GOLGA3: variants seen among roughly 807,000 people sequenced by gnomAD.
The protein encoded by GOLGA3 is golgin subfamily A member 3.
GOLGA3 carries 75 observed loss-of-function variants against 169.4 expected under a neutral mutation model. The observed-to-expected ratio is 0.44, with a 90% CI of 0.37 to 0.54. The LOEUF is 0.54. Ranked by LOEUF, GOLGA3 falls within the 20% of genes least tolerant of loss-of-function variation. The probability of loss-of-function intolerance (pLI) is 0.00; values close to 1 mark genes in which losing one functional copy is unlikely to be tolerated. For synonymous variants in GOLGA3, 824 were observed against 822.4 expected, an observed-to-expected ratio of 1.00 and a Z score of -0.03; for missense variants, 1,899 against 1,930.0, an observed-to-expected ratio of 0.98 and a Z score of 0.30.
rs112005017 is a variant in GOLGA3, at chr12:132,781,161, C to T, written c.3466-247G>A. Among the ~76,000 whole-genome samples the T allele has an allele frequency of 2.9e-3, 448 of 152,286 alleles. 2 individuals carry two copies. Among genetic ancestry groups the T allele is most frequent in the African/African-American group, 0.01 (426 of 41,564 alleles). On this transcript the variant is annotated intron_variant, in intron 17 of 23. Coordinates refer to ENST00000450791, the MANE Select transcript of GOLGA3 (RefSeq NM_001389683.1). ...GCTCCAGAGGCCAGGGCAGGAGGAT[C>T]GCTGGAGCCCAGGAGGTTGAGGATG...
chr12:132,796,320 G>A (rs1948834979), intron 10 of GOLGA3, 100 bp from the exon 11 acceptor site: 1 of 1,396,114 alleles, frequency 7.2e-7, no homozygotes, highest in African/African-American at 1.4e-5. Flanking sequence ...TGGACACTAT[G>A]GAGGGTCTTT....
chr12:132,774,150 G>A lies in GOLGA3; in HGVS notation c.4307+7C>T, dbSNP rs1206350064. On this transcript the variant is annotated splice_region_variant and intron_variant, in intron 23 of 23. Transcript: ENST00000450791. ...TAGCTGAAGTGCAGCACGGAATACG[G>A]TCGTACTTGAGCTGCTGGAGGCAGC... 3 of 1,584,570 alleles carry A rather than the reference G, an allele frequency of 1.9e-6. No homozygotes were observed.
chr12:132,796,198 C>T lies in GOLGA3; in HGVS notation c.2123G>A (p.Arg708Gln), dbSNP rs776030995. Reference protein sequence around the residue: ...LEQVKLTLLQRDQQLEALQQE... With the variant: ...LEQVKLTLLQQDQQLEALQQE... ...CTGCAAAGCCTCAAGCTGCTGGTCT[C>T]GCTGGAGTAAAGTCAACTTCACCTG... The change falls in exon 11 of 24, where the codon CGA (arginine) becomes CAA (glutamine). Residue 708 changes from arginine to glutamine, a missense_variant. Arg to Gln is a conservative substitution (Grantham distance 43). Coordinates refer to ENST00000450791, the MANE Select transcript of GOLGA3 (RefSeq NM_001389683.1). The T allele has an allele frequency of 8.8e-6, 14 of 1,593,562 alleles. No homozygotes were observed. The highest frequency in any genetic ancestry group is 1.7e-5 in the Admixed American group (1 of 59,564).
chr12:132,786,636 C>CCG, intron 14 of GOLGA3, 57 bp downstream of exon 14: 5 of 1,062,570 alleles, frequency 4.7e-6, no homozygotes, highest in Non-Finnish European at 3.9e-6. Flanking sequence ...GCCTCCCCCC[C>CCG]GGCCCCCGCA....
intron 5 of GOLGA3, 75 bp from the exon 6 acceptor site, chr12:132,807,363 T>G: frequency 1.3e-6 from 1 of 744,014 alleles, no homozygotes; most frequent in Non-Finnish European, 2.2e-6. Flanking sequence ...ATTCTCCAAA[T>G]TCCACACACC....
chr12:132,780,367 G>A (rs761557451), intron 18 of GOLGA3, among the ~76,000 whole-genome samples: 5 of 152,212 alleles, frequency 3.3e-5, no homozygotes, highest in East Asian at 1.9e-4. Context: ...CTCTGCTGGC[G>A]ACGTGACCAA....
In GOLGA3 at chr12:132,819,484, G is replaced by A. The variant is rs183952533; in HGVS notation, c.133+2512C>T. Among the ~76,000 whole-genome samples, 58 of 152,260 alleles carry A rather than the reference G, an allele frequency of 3.8e-4. 1 individual carries two copies. Among genetic ancestry groups the A allele is most frequent in the Non-Finnish European group, 5.7e-4 (39 of 68,018 alleles). On this transcript the variant is annotated intron_variant, in intron 2 of 23. Transcript: ENST00000450791. The stretch of plus-strand genomic sequence containing the variant: ...GTGGAGCTTGCAGTAAGCTGAGGTC[G>A]TGCCACTGCACTCCAGTCTGGGCAA...
At chr12:132,797,644 A>G (rs990110117) in intron 9 of GOLGA3, among the ~76,000 whole-genome samples, 5 of 152,076 alleles carry the variant, frequency 3.3e-5, no homozygotes, top group Non-Finnish European at 5.9e-5. Context: ...CTTGGTAGGC[A>G]GAGGTTGCAG....
At position 132,776,962 on chromosome 12, in the gene GOLGA3, TG is replaced by T; in HGVS notation, c.3850del (p.Gln1284LysfsTer20). Reference protein sequence around the residue: ...EQLSKQPVGNQEMENLKWEVD... With the variant: ...EQLSKQPVGNXEMENLKWEVD... ...CCAGCCCCCGTGAACCGTCACCTCT[TG>T]GTTTCCCACGGGCTGTTTGCTGAGC... is the stretch of plus-strand genomic sequence containing the variant. On this transcript the variant is annotated frameshift_variant, in exon 20 of 24. Coordinates refer to ENST00000450791, the MANE Select transcript of GOLGA3 (RefSeq NM_001389683.1). LOFTEE classifies it high-confidence loss of function. 1 of 1,588,472 alleles carries T rather than the reference TG, an allele frequency of 6.3e-7. No individual in the cohort carries two copies. The highest frequency in any genetic ancestry group is 8.6e-7 in the Non-Finnish European group (1 of 1,167,796).
At position 132,798,674 on chromosome 12, in the gene GOLGA3, C is replaced by T. The variant is rs113393097; in HGVS notation, c.1801-197G>A. Among the ~76,000 whole-genome samples, 364 of 46,074 alleles carry T rather than the reference C, an allele frequency of 7.9e-3. 1 individual carries two copies. Among genetic ancestry groups the T allele is most frequent in the African/African-American group, 0.028 (350 of 12,324 alleles). 30.2% of individuals were successfully genotyped at this position (46,074 alleles called of 152,430 possible). ...GGCTCTGCGTGCCTGAGTGGGAGGGCGGGCGGGCCATCAGCCAGCGCTCAT... is the reference window on the plus strand; with the variant it reads ...GGCTCTGCGTGCCTGAGTGGGAGGGTGGGCGGGCCATCAGCCAGCGCTCAT... On this transcript the variant is annotated intron_variant, in intron 8 of 23. Transcript: ENST00000450791.
chr12:132,826,619 G>C (rs754123143), intron 1 of GOLGA3, among the ~76,000 whole-genome samples: 6 of 152,158 alleles, frequency 3.9e-5, no homozygotes, highest in African/African-American at 1.4e-4. Context: ...GTGACTGTAA[G>C]TCACAAAGAC....
chr12:132,807,131 TTTCCGAC>T, intron 6 of GOLGA3, 39 bp downstream of exon 6: 1 of 1,189,516 alleles, frequency 8.4e-7, no homozygotes, highest in Non-Finnish European at 1.2e-6. Flanking sequence ...CCACACATGC[TTTCCGAC>T]TTCGCCGCAC....
At chr12:132,825,693 C>T in intron 1 of GOLGA3, 1 of 1,178,914 alleles carries the variant, frequency 8.5e-7, no homozygotes, top group Non-Finnish European at 1.3e-6. Flanking sequence ...TTTTCAGTGG[C>T]CGGGAAGATG....
intron 17 of GOLGA3, 45 bp downstream of exon 17, chr12:132,782,251 C>G (rs372443054): frequency 1.3e-6 from 2 of 1,491,114 alleles, no homozygotes; most frequent in Non-Finnish European, 1.9e-6. Flanking sequence ...ACAGCCCCAC[C>G]AACTCTCACA....
intron 16 of GOLGA3, among the ~76,000 whole-genome samples, chr12:132,783,039 T>G (rs2045694022): frequency 6.6e-6 from 1 of 151,992 alleles, no homozygotes; most frequent in African/African-American, 2.4e-5. Context: ...CTACCAAAAC[T>G]ACAGAAATTA....
intron 8 of GOLGA3, 59 bp downstream of exon 8, chr12:132,801,708 A>G: frequency 6.8e-7 from 1 of 1,471,884 alleles, no homozygotes; most frequent in Non-Finnish European, 9.4e-7. Context: ...AGGAAAAAGC[A>G]CCGTTCTACA....
At chr12:132,809,896 A>G (rs1247714793) in intron 4 of GOLGA3, among the ~76,000 whole-genome samples, 1 of 151,732 alleles carries the variant, frequency 6.6e-6, no homozygotes, top group Non-Finnish European at 1.5e-5. Flanking sequence ...GACTTCCTCA[A>G]CAGAACTTTC....
In GOLGA3 at chr12:132,786,565, C is replaced by G; in HGVS notation, c.2907-10G>C. On this transcript the variant is annotated splice_polypyrimidine_tract_variant and intron_variant, in intron 14 of 23. Coordinates refer to ENST00000450791, the MANE Select transcript of GOLGA3 (RefSeq NM_001389683.1). ...CTGTTCCGTGATGGCCCTGGGGTGT[C>G]ATGAGGGAGACACAGGAGGAAGCTG... 1 of 1,612,658 alleles carries G rather than the reference C, an allele frequency of 6.2e-7. No individual in the cohort carries two copies. The highest frequency in any genetic ancestry group is 8.5e-7 in the Non-Finnish European group (1 of 1,179,108).
At chr12:132,809,159 C>CAAAG (rs1949571606) in intron 4 of GOLGA3, among the ~76,000 whole-genome samples, 1 of 152,284 alleles carries the variant, frequency 6.6e-6, no homozygotes, top group South Asian at 2.1e-4. Flanking sequence ...GGAGAGGAGA[C>CAAAG]ACAAAGACAG....
Sources: gnomAD v4.1 joint callset for allele counts (sites outside exome capture counted in the v4.1 genomes callset) on GRCh38, gnomAD v4.1.1 for gene constraint, MANE v1.5 for transcripts, NCBI Gene and HGNC (gene_info 2026-07-23, HGNC 2026-07-21) for gene names.